SAMMSON: variants seen among roughly 807,000 people sequenced by gnomAD.
The protein encoded by SAMMSON is long intergenic non-protein coding RNA 1212.
At chr3:70,114,384 A>G (rs544793460) in intron 4 of SAMMSON, among the ~76,000 whole-genome samples, 1 of 152,348 alleles carries the variant, frequency 6.6e-6, no homozygotes, top group South Asian at 2.1e-4. Flanking sequence ...TTTCTTCCTC[A>G]ACGAAATCTC....
At chr3:70,020,115 A>T (rs2067005645) in intron 3 of SAMMSON, among the ~76,000 whole-genome samples, 5 of 152,198 alleles carry the variant, frequency 3.3e-5, no homozygotes, top group Admixed American at 3.3e-4. Flanking sequence ...TTCCTGCAGC[A>T]TATGAGGGAC....
At chr3:70,279,539 T>A (rs1239819874) in intron 6 of SAMMSON, among the ~76,000 whole-genome samples, 1 of 152,168 alleles carries the variant, frequency 6.6e-6, no homozygotes, top group Admixed American at 6.5e-5. Flanking sequence ...GCCAAATGTG[T>A]CACCCCATCA....
chr3:70,056,760 C>G (rs937575602), intron 3 of SAMMSON, among the ~76,000 whole-genome samples: 2 of 151,978 alleles, frequency 1.3e-5, no homozygotes, highest in Non-Finnish European at 2.9e-5. Context: ...ACTCATGCTA[C>G]AAGATAAACA....
At chr3:70,158,490 T>G in intron 4 of SAMMSON, among the ~76,000 whole-genome samples, 1 of 152,076 alleles carries the variant, frequency 6.6e-6, no homozygotes, top group Non-Finnish European at 1.5e-5. Context: ...AAGTTTTAGC[T>G]ATTATGGATA....
intron 3 of SAMMSON, among the ~76,000 whole-genome samples, chr3:70,016,594 GA>G (rs1454899763): frequency 4.6e-5 from 7 of 152,076 alleles, no homozygotes; most frequent in African/African-American, 1.7e-4. Flanking sequence ...AGTTTAATTA[GA>G]TCCCATTTGT....
chr3:70,107,232 A>G (rs2067370482), intron 4 of SAMMSON, among the ~76,000 whole-genome samples: 1 of 152,192 alleles, frequency 6.6e-6, no homozygotes, highest in Non-Finnish European at 1.5e-5. Context: ...GCCCAAAGAG[A>G]GTCCTAACAG....
intron 4 of SAMMSON, among the ~76,000 whole-genome samples, chr3:70,161,121 C>G (rs968980647): frequency 4.1e-4 from 62 of 151,830 alleles, no homozygotes; most frequent in Non-Finnish European, 7.8e-4. Context: ...ACAATTTTAT[C>G]TCCTTTTTTC....
intron 4 of SAMMSON, among the ~76,000 whole-genome samples, chr3:70,176,076 T>C (rs1000385390): frequency 3.3e-5 from 5 of 152,072 alleles, no homozygotes; most frequent in Non-Finnish European, 5.9e-5. Context: ...AGAATTTGAG[T>C]TCACTAAATT....
intron 4 of SAMMSON, among the ~76,000 whole-genome samples, chr3:70,178,861 A>C (rs6782572): frequency 0.83 from 126,362 of 151,982 alleles, 52,978 homozygotes; most frequent in African/African-American, 0.88. Flanking sequence ...ATACAAAAAA[A>C]TTAGCTGGGC....
intron 4 of SAMMSON, among the ~76,000 whole-genome samples, chr3:70,142,520 C>T (rs1354980079): frequency 6.6e-6 from 1 of 151,944 alleles, no homozygotes; most frequent in East Asian, 1.9e-4. Context: ...ACACAATGGA[C>T]TTTGGGGACT....
intron 7 of SAMMSON, among the ~76,000 whole-genome samples, chr3:70,327,289 A>T (rs753690753): frequency 6.6e-6 from 1 of 152,228 alleles, no homozygotes; most frequent in Non-Finnish European, 1.5e-5. Context: ...ACAAACAAGC[A>T]TACAAACAAA....
intron 4 of SAMMSON, among the ~76,000 whole-genome samples, chr3:70,181,480 C>T (rs1701052784): frequency 6.6e-6 from 1 of 152,112 alleles, no homozygotes; most frequent in African/African-American, 2.4e-5. Context: ...AAGTCCAAGC[C>T]CTGCTTCCTA....
chr3:70,020,690 A>G (rs1237509289), intron 3 of SAMMSON, among the ~76,000 whole-genome samples: 4 of 152,070 alleles, frequency 2.6e-5, no homozygotes, highest in Non-Finnish European at 5.9e-5. Context: ...CCCATTAGCT[A>G]ATGAGAATAG....
intron 4 of SAMMSON, among the ~76,000 whole-genome samples, chr3:70,080,715 AT>A (rs1440684675): frequency 2.6e-5 from 4 of 151,370 alleles, no homozygotes; most frequent in Admixed American, 6.6e-5. Flanking sequence ...TAACCAAATA[AT>A]TTTTTTCCTT....
chr3:70,056,136 C>T (rs1014231592), intron 3 of SAMMSON, among the ~76,000 whole-genome samples: 10 of 152,022 alleles, frequency 6.6e-5, no homozygotes, highest in African/African-American at 2.4e-4. Context: ...TCCTTCTTGT[C>T]ACACCTCAAA....
intron 9 of SAMMSON, among the ~76,000 whole-genome samples, chr3:70,379,342 T>C (rs1305318903): frequency 6.6e-6 from 1 of 152,184 alleles, no homozygotes; most frequent in East Asian, 1.9e-4. Flanking sequence ...CCTGCATTTG[T>C]ATTTGCTAAA....
intron 3 of SAMMSON, chr3:70,069,665 A>G (rs1438907150): frequency 6.6e-6 from 1 of 152,088 alleles, no homozygotes. Flanking sequence ...TTAGGGCTTT[A>G]CACTCATGAC....
At chr3:70,134,359 C>CTT (rs71620118) in intron 4 of SAMMSON, among the ~76,000 whole-genome samples, 4 of 140,086 alleles carry the variant, frequency 2.9e-5, no homozygotes, top group Non-Finnish European at 3.1e-5. Context: ...ATTTTTTTAA[C>CTT]TTTTTTTTTT....
At chr3:70,093,123 G>A (rs1374613393) in intron 4 of SAMMSON, among the ~76,000 whole-genome samples, 1 of 152,016 alleles carries the variant, frequency 6.6e-6, no homozygotes, top group African/African-American at 2.4e-5. Context: ...AACAATGTGA[G>A]CTTCCATAGC....
Sources: allele counts gnomAD v4.1 joint callset (sites outside exome capture counted in the v4.1 genomes callset), GRCh38; gene constraint gnomAD v4.1.1; transcripts MANE v1.5; gene names NCBI Gene and HGNC (gene_info 2026-07-23, HGNC 2026-07-21).